Variants in ZSCAN18 observed in about 807,000 individuals in gnomAD.
The protein encoded by ZSCAN18 is zinc finger and SCAN domain-containing protein 18.
A neutral mutation model predicts 31.1 loss-of-function variants in ZSCAN18; 16 were observed. That is an observed-to-expected ratio of 0.51 (90% CI 0.35 to 0.78). The LOEUF (loss-of-function observed/expected upper bound fraction) is 0.78, where lower values mean the gene tolerates loss of function less well. Among genes scored for constraint, ZSCAN18 ranks in the 30% least tolerant of loss-of-function variants. The pLI is 0.01. For synonymous variants in ZSCAN18, 375 were observed against 320.7 expected, an observed-to-expected ratio of 1.17 and a Z score of -1.81; for missense variants, 731 against 697.4, an observed-to-expected ratio of 1.05 and a Z score of -0.54.
In ZSCAN18 at chr19:58,090,360, G is replaced by C; in HGVS notation, c.-93C>G. On this transcript the variant is annotated 5_prime_UTR_variant, in exon 2 of 7. Transcript: ENST00000601144. The surrounding 1 kb of genome is among the most constrained non-coding windows in gnomAD (Gnocchi z 4.7). ...CCAGGGATGACCAGATGCCCAGTGG[G>C]CTCAGGTGGTGCCAGAACCCACAGA... The C allele has an allele frequency of 6.3e-7, 1 of 1,593,268 alleles. No homozygotes were observed.
rs61736354 is a variant in ZSCAN18, at chr19:58,090,085, G to C, written c.183C>G (p.Ala61=). ...RFREFVYQEA[A]GPHQTLARLH... is the part of the protein sequence containing the mutation. ...GCCGGGCCAGGGTCTGGTGGGGCCC[G>C]GCAGCCTCCTGGTAGACAAATTCCC... Residue 61 remains alanine, a synonymous_variant, in exon 2 of 7, where the codon GCC becomes GCG. Transcript: ENST00000601144. This position sits in a 1 kb window ranked among gnomAD's most constrained non-coding sequence, Gnocchi z 4.7. 1.9e-6 allele frequency: 3 copies of C among 1,613,612 alleles called. No homozygotes were observed. The Admixed American group carries it at 5.0e-5, about 27-fold the overall frequency.
chr19:58,109,266 C>G, intron 1 of ZSCAN18: 1 of 1,231,708 alleles, frequency 8.1e-7, no homozygotes, highest in African/African-American at 1.5e-5. Context: ...CCAACACCAT[C>G]CCAAGTTGAT....
intron 1 of ZSCAN18, among the ~76,000 whole-genome samples, chr19:58,105,464 A>G (rs1454265652): frequency 6.6e-6 from 1 of 151,874 alleles, no homozygotes; most frequent in Non-Finnish European, 1.5e-5. Flanking sequence ...GATCGAGACC[A>G]TCCTGGCTAA....
Position 58,084,630 on chromosome 19 carries a change from G to C in ZSCAN18, c.*55C>G, listed in dbSNP as rs2074221328. On this transcript the variant is annotated 3_prime_UTR_variant, in exon 7 of 7. Coordinates refer to ENST00000601144, the MANE Select transcript of ZSCAN18 (RefSeq NM_001145543.2). This position sits in a 1 kb window ranked among gnomAD's most constrained non-coding sequence, Gnocchi z 4.5. ...GGGGCGTGGAAAGGCCCAATGCCTC[G>C]TCTGGGATTCACGGCCGGCAAAGCG... 3 of 1,416,580 alleles carry C rather than the reference G, an allele frequency of 2.1e-6. No homozygotes were observed. The highest frequency in any genetic ancestry group is 2.8e-6 in the Non-Finnish European group (3 of 1,084,906). The allele number at this position is 1,416,580 out of a possible 1,614,324, so 87.8% of individuals were successfully genotyped here. A position where few individuals can be genotyped will look rare whatever the true frequency, so the allele number is the denominator to read the frequency against.
In ZSCAN18 at chr19:58,109,833, A is replaced by AT. The variant is rs200862607; in HGVS notation, c.130+8433dup. ...CCAGATTTTTAAAAAATTAACATAG[A>AT]TTTTTTTTCAGTTATACACCTGCAT... is the stretch of plus-strand genomic sequence containing the variant. On this transcript the variant is annotated intron_variant, in intron 1 of 1. Transcript: ENST00000595721. 3.4e-3 allele frequency among the ~76,000 whole-genome samples: 517 copies of AT among 152,126 alleles called. 5 individuals are homozygous for AT. Among genetic ancestry groups the AT allele is most frequent in the African/African-American group, 0.012 (490 of 41,486 alleles).
chr19:58,117,488 AGAG>A (rs2074739841), intron 1 of ZSCAN18, among the ~76,000 whole-genome samples: 1 of 152,184 alleles, frequency 6.6e-6, no homozygotes, highest in Admixed American at 6.5e-5. Context: ...CTAAAGGGGC[AGAG>A]GAGGAAGCCA....
chr19:58,098,283 A>G (rs2074560500), upstream of ZSCAN18: 1 of 985,314 alleles, frequency 1.0e-6, no homozygotes, highest in Non-Finnish European at 1.2e-6. Context: ...TACGACTCCC[A>G]CAATGCCGCG....
At chr19:58,116,401 A>C (rs2074730385) in intron 1 of ZSCAN18, among the ~76,000 whole-genome samples, 1 of 151,742 alleles carries the variant, frequency 6.6e-6, no homozygotes, top group Non-Finnish European at 1.5e-5. Flanking sequence ...ATAATTCAGC[A>C]GTGGATCAGA....
chr19:58,103,036 C>A (rs951927917), upstream of ZSCAN18, among the ~76,000 whole-genome samples: 1 of 151,900 alleles, frequency 6.6e-6, no homozygotes, highest in Non-Finnish European at 1.5e-5. Context: ...GCAGCAGAAT[C>A]GCTTGAACCT....
chr19:58,085,264 C>T lies in ZSCAN18; in HGVS notation c.954G>A (p.Pro318=), dbSNP rs377394421. The stretch of plus-strand genomic sequence containing the variant: ...CTTCCTCCTCCTCAGTGGTGCCCGA[C>T]GGGGGATCGGCAAGGGCGTCCCCAG... ...APPGDALADP[P]SGTTEEEEEQ... is the part of the protein sequence containing the mutation. Residue 318 remains proline (P), a synonymous_variant, in exon 7 of 7, where the codon CCG becomes CCA. Transcript: ENST00000601144. 109 of 1,603,454 alleles carry T rather than the reference C, an allele frequency of 6.8e-5. No individual in the cohort carries two copies. The highest frequency in any genetic ancestry group is 8.1e-5 in the Non-Finnish European group (96 of 1,178,056).
chr19:58,087,094 A>C, intron 4 of ZSCAN18, 86 bp from the exon 5 acceptor site: 1 of 1,236,512 alleles, frequency 8.1e-7, no homozygotes, highest in Non-Finnish European at 1.1e-6. Flanking sequence ...GGAGCAGGCT[A>C]GGAGCCAGCC....
intron 5 of ZSCAN18, 88 bp from the exon 6 acceptor site, chr19:58,086,354 C>T (rs2074280503): frequency 8.5e-7 from 1 of 1,179,698 alleles, no homozygotes; most frequent in African/African-American, 1.5e-5. Flanking sequence ...CCAGGGCAGG[C>T]TGCAGCCCAC....
intron 1 of ZSCAN18, among the ~76,000 whole-genome samples, chr19:58,106,752 G>GT (rs1261544166): frequency 3.7e-5 from 2 of 54,614 alleles, no homozygotes; most frequent in African/African-American, 4.8e-5. Flanking sequence ...AAAGACATCT[G>GT]TTTTTTTTGT....
chr19:58,106,761 G>GT (rs773022571), intron 1 of ZSCAN18, among the ~76,000 whole-genome samples: 2 of 67,036 alleles, frequency 3.0e-5, no homozygotes, highest in Non-Finnish European at 6.5e-5. Flanking sequence ...TGTTTTTTTT[G>GT]TTTTTTTGTT....
At position 58,088,742 on chromosome 19, in the gene ZSCAN18, C is replaced by T. The variant is rs45544138; in HGVS notation, c.499G>A (p.Ala167Thr). The change falls in exon 3 of 7, where the codon GCG becomes ACG. Residue 167 changes from alanine to threonine, a missense_variant. Around this residue, in one of 4 missense-constraint regions of ZSCAN18, gnomAD observed 597 missense variants for 499.5 expected, o/e 1.20. Transcript: ENST00000601144. Reference protein sequence around the residue: ...MDPLLLPGELASPSQALGAGE... With the variant: ...MDPLLLPGELTSPSQALGAGE... ...GCTCCAAGGGCCTGGCTGGGGCTCG[C>T]GAGCTCGCCTGGTAGCAGCAGAGGG... 17,356 of 1,607,150 alleles carry T rather than the reference C, an allele frequency of 0.011. 128 individuals carry two copies. The highest frequency in any genetic ancestry group is 0.012 in the Non-Finnish European group (13,871 of 1,179,878).
At chr19:58,099,959 G>A (rs1439141718), upstream of ZSCAN18, among the ~76,000 whole-genome samples, 1 of 88,302 alleles carries the variant, frequency 1.1e-5, no homozygotes, top group Non-Finnish European at 2.7e-5. Context: ...AGTTTTGAAA[G>A]CTATGTTTTT....
Position 58,090,440 on chromosome 19 carries a change from C to A in ZSCAN18, c.-119-54G>T. Reference sequence around the variant, plus strand: ...CTTGCATAAGGCCAGGGCGCAGCCACCCCAGCTGCCAGAGAACAAAGACAC... The same window carrying A: ...CTTGCATAAGGCCAGGGCGCAGCCAACCCAGCTGCCAGAGAACAAAGACAC... On this transcript the variant is annotated intron_variant, in intron 1 of 6. Transcript: ENST00000601144. The surrounding 1 kb of genome is among the most constrained non-coding windows in gnomAD (Gnocchi z 4.7). 7.0e-7 allele frequency: 1 copy of A among 1,433,380 alleles called. No individual in the cohort carries two copies. Among genetic ancestry groups the A allele is most frequent in the East Asian group, 2.5e-5 (1 of 39,852 alleles). The allele number at this position is 1,433,380 out of a possible 1,614,324, so 88.8% of individuals were successfully genotyped here.
At chr19:58,107,662 T>G in intron 1 of ZSCAN18, 1 of 986,314 alleles carries the variant, frequency 1.0e-6, no homozygotes, top group Non-Finnish European at 1.2e-6. Context: ...ATTTGTTACT[T>G]TCAAACAACA....
intron 6 of ZSCAN18, 86 bp downstream of exon 6, chr19:58,086,088 G>A (rs1045777036): frequency 6.2e-6 from 7 of 1,126,646 alleles, no homozygotes; most frequent in African/African-American, 6.1e-5. Flanking sequence ...CTTTGCTGGG[G>A]CTGATGGCGC....
Sources: gnomAD v4.1 joint callset for allele counts (sites outside exome capture counted in the v4.1 genomes callset) on GRCh38, gnomAD v4.1.1 for gene constraint, gnomAD v4.1.1 regional missense constraint, Gnocchi (gnomAD v3.1) non-coding constraint, MANE v1.5 for transcripts, NCBI Gene and HGNC (gene_info 2026-07-23, HGNC 2026-07-21) for gene names.